The following KCNH6 variants were observed in gnomAD, a reference collection of about 807,000 sequenced individuals.
KCNH6 encodes the protein voltage-gated inwardly rectifying potassium channel KCNH6.
Under a neutral mutation model 83.4 loss-of-function variants are expected in KCNH6, and 81 were observed. That is an observed-to-expected ratio of 0.97 (90% CI 0.81 to 1.17). The LOEUF is 1.17. Among genes scored for constraint, KCNH6 ranks in the 50% most tolerant of loss-of-function variants. The probability of loss-of-function intolerance (pLI) is 0.00; values close to 1 mark genes in which losing one functional copy is unlikely to be tolerated. For missense variants in KCNH6, 1,203 were observed against 1,290.5 expected (o/e 0.93, Z 1.04); for synonymous variants, 503 against 545.6 (o/e 0.92, Z 1.09).
intron 8 of KCNH6, among the ~76,000 whole-genome samples, chr17:63,541,023 C>A (rs1313709845): frequency 1.3e-5 from 2 of 152,204 alleles, no homozygotes; most frequent in African/African-American, 4.8e-5. Context: ...CCTCCATGGC[C>A]CCATAACTCT....
intron 2 of KCNH6, among the ~76,000 whole-genome samples, chr17:63,529,145 C>T (rs557745369): frequency 6.6e-6 from 1 of 152,314 alleles, no homozygotes; most frequent in African/African-American, 2.4e-5. Context: ...AGGCATGGGG[C>T]ATTTTAGCTG....
chr17:63,542,156 G>C (rs757122981), intron 8 of KCNH6, 85 bp from the exon 9 acceptor site: 1 of 1,417,062 alleles, frequency 7.1e-7, no homozygotes, highest in Non-Finnish European at 9.8e-7. Flanking sequence ...GGATGTCCGA[G>C]GTTGGGGGAG....
Position 63,530,503 on chromosome 17 carries a change from G to A in KCNH6, c.636G>A (p.Val212=). Reference sequence around the variant, plus strand: ...TTGAGATCATCGCGCCCCATAAGGTGGTGGAGCGGACACAGAACGTCACTG... The same window carrying A: ...TTGAGATCATCGCGCCCCATAAGGTAGTGGAGCGGACACAGAACGTCACTG... ...TEIEIIAPHK[V]VERTQNVTEK... is the part of the protein sequence containing the mutation. The change falls in exon 4 of 13, where the codon GTG becomes GTA. Residue 212 remains valine (V), a synonymous_variant. Transcript: ENST00000314672. 6.2e-7 allele frequency: 1 copy of A among 1,614,194 alleles called. No individual in the cohort carries two copies. Among genetic ancestry groups the A allele is most frequent in the Middle Eastern group, 1.6e-4 (1 of 6,062 alleles).
chr17:63,541,777 A>C (rs543808125), intron 8 of KCNH6, among the ~76,000 whole-genome samples: 1 of 152,260 alleles, frequency 6.6e-6, no homozygotes, highest in South Asian at 2.1e-4. Flanking sequence ...TGGCCCCACA[A>C]TTGGGAGTGG....
rs965337486 is a variant in KCNH6, at chr17:63,534,215, C to T, written c.1005C>T (p.Arg335=). 5 of 1,614,022 alleles carry T rather than the reference C, an allele frequency of 3.1e-6. No individual in the cohort carries two copies. In the African/African-American group the frequency reaches 4.0e-5, roughly 13 times the overall value. ...ATGATGAGGTGGTCAGCCACCCCCGCCGCATCGCCGTCCACTACTTCAAGG... is the reference window on the plus strand; with the variant it reads ...ATGATGAGGTGGTCAGCCACCCCCGTCGCATCGCCGTCCACTACTTCAAGG... The part of the protein sequence containing the change: ...NTNDEVVSHP[R]RIAVHYFKGW... Residue 335 remains arginine (R), a synonymous_variant, in exon 5 of 13, where the codon CGC becomes CGT. Transcript: ENST00000314672. The surrounding 1 kb of genome is among the most constrained non-coding windows in gnomAD (Gnocchi z 5.0).
In KCNH6 at chr17:63,546,022, C is replaced by A. The variant is rs922642202; in HGVS notation, c.*120C>A. ...ATCCCAGCACTTTGGGAGGCCGAGG[C>A]GGGCGGATCAGACCATCCTGGCTAA... On this transcript the variant is annotated 3_prime_UTR_variant, in exon 13 of 13. Coordinates refer to ENST00000314672, the MANE Select transcript of KCNH6 (RefSeq NM_001278919.2). 5.7e-6 allele frequency: 5 copies of A among 884,368 alleles called. No homozygotes were observed. Among genetic ancestry groups the A allele is most frequent in the African/African-American group, 3.4e-5 (2 of 59,382 alleles). The allele number at this position is 884,368 out of a possible 1,614,324, so 54.8% of individuals were successfully genotyped here. A position where few individuals can be genotyped will look rare whatever the true frequency, so the allele number is the denominator to read the frequency against.
intron 6 of KCNH6, 143 bp downstream of exon 6, chr17:63,536,211 A>G: frequency 1.3e-6 from 1 of 776,622 alleles, no homozygotes; most frequent in Non-Finnish European, 2.1e-6. Flanking sequence ...AGCACAATGA[A>G]TTTTTGCTGG....
chr17:63,536,054 T>TCATG lies in KCNH6; in HGVS notation c.1489_1492dup (p.Leu498HisfsTer68). 2 of 1,613,236 alleles carry TCATG rather than the reference T, an allele frequency of 1.2e-6. No individual in the cohort carries two copies. The highest frequency in any genetic ancestry group is 1.7e-6 in the Non-Finnish European group (2 of 1,179,838). On this transcript the variant is annotated frameshift_variant, in exon 6 of 13. Transcript: ENST00000314672. LOFTEE classifies it high-confidence loss of function. Reference sequence around the variant, plus strand: ...TCCGAGAAGGTCTTCTCCATCTGCGTCATGCTCATCGGCTGTGAGTGAGAC... The same window carrying TCATG: ...TCCGAGAAGGTCTTCTCCATCTGCGTCATGCATGCTCATCGGCTGTGAGTGAGAC...
rs1429451388 is a variant in KCNH6, at chr17:63,533,003, C to G, written c.676-883C>G. 2.6e-5 allele frequency among the ~76,000 whole-genome samples: 4 copies of G among 152,162 alleles called. 1 individual carries two copies. Among genetic ancestry groups the G allele is most frequent in the Admixed American group, 6.5e-5 (1 of 15,282 alleles). ...CATTTTGCAGATGAGGGAACTGAGG[C>G]TCACAGAGGTTACAAAACTTGCCCA... On this transcript the variant is annotated intron_variant, in intron 4 of 12. Coordinates refer to ENST00000314672, the MANE Select transcript of KCNH6 (RefSeq NM_001278919.2). The surrounding 1 kb of genome is among the most constrained non-coding windows in gnomAD (Gnocchi z 4.1).
intron 10 of KCNH6, 87 bp from the exon 11 acceptor site, chr17:63,544,162 T>C (rs761604857): frequency 1.3e-6 from 2 of 1,599,300 alleles, no homozygotes; most frequent in Admixed American, 1.7e-5. Flanking sequence ...CCAGGGCAGG[T>C]AGGGGGTGGG....
chr17:63,541,655 T>A (rs2032869121), intron 8 of KCNH6, among the ~76,000 whole-genome samples: 1 of 152,042 alleles, frequency 6.6e-6, no homozygotes, highest in Admixed American at 6.6e-5. Context: ...AACAGTCCAG[T>A]GGGGTTGGCA....
chr17:63,544,876 C>T (rs2033065843), intron 11 of KCNH6, among the ~76,000 whole-genome samples: 1 of 152,104 alleles, frequency 6.6e-6, no homozygotes, highest in Non-Finnish European at 1.5e-5. Flanking sequence ...TTGGTGCCTG[C>T]TCACTGGTGT....
chr17:63,535,750 G>T lies in KCNH6; in HGVS notation c.1183G>T (p.Glu395Ter). ...RVARKLDRYSEYGAAVLFLLM... is the reference protein window; with the variant it reads ...RVARKLDRYS The stretch of plus-strand genomic sequence containing the variant: ...AGCACGGAAGCTGGACCGCTACTCT[G>T]AGTATGGGGCGGCTGTGCTCTTCTT... The change falls in exon 6 of 13, where the codon GAG becomes TAG. Residue 395 changes from glutamate to a stop codon, truncating the protein, a stop_gained. Transcript: ENST00000314672. LOFTEE classifies it high-confidence loss of function. This position sits in a 1 kb window ranked among gnomAD's most constrained non-coding sequence, Gnocchi z 4.9. The T allele has an allele frequency of 6.2e-7, 1 of 1,614,080 alleles. No individual in the cohort carries two copies. The highest frequency in any genetic ancestry group is 8.5e-7 in the Non-Finnish European group (1 of 1,180,052).
rs764569412 is a variant in KCNH6 at position 63,544,355 on chromosome 17, T to A, written c.2340T>A (p.Asp780Glu). 1.2e-6 allele frequency: 2 copies of A among 1,611,318 alleles called. No individual in the cohort carries two copies. The highest frequency in any genetic ancestry group is 1.1e-5 in the South Asian group (1 of 90,768). ...HSPQSPQEDP[D>E]CWPLKLGSRL... ...CCCAAAGCCCTCAGGAAGACCCAGA[T>A]TGCTGGCCTCTGAAGCTGGGCTCCA... The change falls in exon 11 of 13, where the codon GAT (aspartate) becomes GAA (glutamate). Residue 780 changes from aspartate to glutamate, a missense_variant. By Grantham distance (45) the Asp-to-Glu change is conservative. Transcript: ENST00000314672.
intron 2 of KCNH6, among the ~76,000 whole-genome samples, chr17:63,526,761 G>A (rs2031743499): frequency 6.6e-6 from 1 of 152,082 alleles, no homozygotes; most frequent in South Asian, 2.1e-4. Flanking sequence ...CTCTAAAGGG[G>A]TAATCCACTG....
At position 63,533,831 on chromosome 17, in the gene KCNH6, A is replaced by G. The variant is rs1273843251; in HGVS notation, c.676-55A>G. ...TCCCCAGGCCTCAGCCCTCTAGGCC[A>G]GTCTCACCAGCAGTGGCTGCCCCGT... On this transcript the variant is annotated intron_variant, in intron 4 of 12. Transcript: ENST00000314672. The surrounding 1 kb of genome is among the most constrained non-coding windows in gnomAD (Gnocchi z 4.1). 1 of 1,537,074 alleles carries G rather than the reference A, an allele frequency of 6.5e-7. No individual in the cohort carries two copies. The highest frequency in any genetic ancestry group is 8.8e-7 in the Non-Finnish European group (1 of 1,131,414).
Position 63,534,282 on chromosome 17 carries a change from C to T in KCNH6, c.1072C>T (p.Leu358Phe). ...CATGGTGGCCGCCATCCCTTTCGACCTCCTGATCTTCCGCACTGGCTCCGA... is the reference window on the plus strand; with the variant it reads ...CATGGTGGCCGCCATCCCTTTCGACTTCCTGATCTTCCGCACTGGCTCCGA... Reference protein sequence around the residue: ...IDMVAAIPFDLLIFRTGSDET... With the variant: ...IDMVAAIPFDFLIFRTGSDET... Residue 358 changes from leucine to phenylalanine, a missense_variant, in exon 5 of 13, where the codon CTC becomes TTC. Leu to Phe is a conservative substitution (Grantham distance 22). Coordinates refer to ENST00000314672, the MANE Select transcript of KCNH6 (RefSeq NM_001278919.2). This position sits in a 1 kb window ranked among gnomAD's most constrained non-coding sequence, Gnocchi z 5.0. The T allele has an allele frequency of 6.2e-7, 1 of 1,613,840 alleles. No homozygotes were observed. Among genetic ancestry groups the T allele is most frequent in the Middle Eastern group, 1.7e-4 (1 of 6,060 alleles).
At chr17:63,536,455 CA>C (rs2032504849) in intron 6 of KCNH6, among the ~76,000 whole-genome samples, 1 of 152,118 alleles carries the variant, frequency 6.6e-6, no homozygotes, top group Non-Finnish European at 1.5e-5. Flanking sequence ...CTAGCCTGGC[CA>C]ATATGGTGAA....
intron 8 of KCNH6, among the ~76,000 whole-genome samples, chr17:63,539,104 C>T: frequency 6.6e-6 from 1 of 152,198 alleles, no homozygotes; most frequent in Admixed American, 6.5e-5. Context: ...GACATGAGCA[C>T]TGGGCAGGGG....
Sources: allele counts gnomAD v4.1 joint callset (sites outside exome capture counted in the v4.1 genomes callset), GRCh38; gene constraint gnomAD v4.1.1; non-coding constraint Gnocchi (gnomAD v3.1); transcripts MANE v1.5; gene names NCBI Gene and HGNC (gene_info 2026-07-23, HGNC 2026-07-21).